The following RAB7B variants were observed in gnomAD, a reference collection of about 807,000 sequenced individuals.
RAB7B encodes the protein ras-related protein Rab-7b.
chr1:205,979,128 G>A (rs913991109), intron 5 of RAB7B, among the ~76,000 whole-genome samples, 200 bp from the exon 6 acceptor site: 82 of 152,228 alleles, frequency 5.4e-4, no homozygotes, highest in Non-Finnish European at 8.8e-4. Flanking sequence ...CCTCTTCCCA[G>A]GAGCCCAGAG....
In RAB7B at chr1:205,985,538, AC is replaced by A. The variant is rs1278519505; in HGVS notation, c.522+1del. The A allele has an allele frequency of 2.5e-6, 1 of 398,546 alleles. No homozygotes were observed. Among genetic ancestry groups the A allele is most frequent in the Non-Finnish European group, 4.4e-6 (1 of 226,160 alleles). The allele number at this position is 398,546 out of a possible 1,614,324, so 24.7% of individuals were successfully genotyped here. ...GCAGGTCCTGCCGCCACAGCCACTC[AC>A]CCTCGACAGAGCCCTACTGGCCAGC... On this transcript the variant is annotated splice_donor_variant, in intron 5 of 5. Coordinates refer to ENST00000617070, the MANE Select transcript of RAB7B (RefSeq NM_001164522.3). LOFTEE classifies it high-confidence loss of function.
chr1:205,983,161 C>T (rs1439537301), intron 5 of RAB7B, among the ~76,000 whole-genome samples: 8 of 152,172 alleles, frequency 5.3e-5, no homozygotes, highest in African/African-American at 1.7e-4. Flanking sequence ...ACTATGTCCC[C>T]GTGCTCTGAC....
chr1:205,980,579 C>T (rs1488259993), intron 5 of RAB7B, among the ~76,000 whole-genome samples: 1 of 152,206 alleles, frequency 6.6e-6, no homozygotes, highest in Non-Finnish European at 1.5e-5. Flanking sequence ...TCTCTGTTCC[C>T]CCAGTCTGGC....
At chr1:205,996,084 ATTCT>A in intron 1 of RAB7B, among the ~76,000 whole-genome samples, 1 of 118,030 alleles carries the variant, frequency 8.5e-6, no homozygotes, top group South Asian at 2.2e-4. Context: ...TTTTTAATAC[ATTCT>A]TTTTTTTTTT....
intron 1 of RAB7B, among the ~76,000 whole-genome samples, chr1:205,996,402 T>C (rs915129349): frequency 6.6e-6 from 1 of 152,262 alleles, no homozygotes; most frequent in African/African-American, 2.4e-5. Flanking sequence ...AAGCTGTAAA[T>C]AGGACATCCT....
rs1173051025 is a variant in RAB7B, at chr1:206,001,261, C to T, written c.-17+1992G>A. Among the ~76,000 whole-genome samples the T allele has an allele frequency of 5.4e-5, 8 of 148,412 alleles. No homozygotes were observed. In the East Asian group the frequency reaches 1.6e-3, roughly 29 times the overall value. On this transcript the variant is annotated intron_variant, in intron 1 of 5. Coordinates refer to ENST00000617070, the MANE Select transcript of RAB7B (RefSeq NM_001164522.3). ...CCCTTTCCATGTCATCTCTGCTGGG[C>T]TTTGGCAGTAGCCGTCTTTTTTTTT... is the stretch of plus-strand genomic sequence containing the variant.
rs1053232193 is a variant in RAB7B, at chr1:205,977,194, G to A, written c.*1657C>T. On this transcript the variant is annotated 3_prime_UTR_variant, in exon 6 of 6. Transcript: ENST00000617070. The stretch of plus-strand genomic sequence containing the variant: ...AAGATTCTGCAGTGGGCATGGACTT[G>A]GCCATTGAAGACCCTGAGAGGACAT... 28 of 152,296 alleles carry A rather than the reference G, an allele frequency of 1.8e-4. No homozygotes were observed. Among genetic ancestry groups the A allele is most frequent in the African/African-American group, 6.5e-4 (27 of 41,552 alleles). 9.4% of individuals were successfully genotyped at this position (152,296 alleles called of 1,614,324 possible).
chr1:205,984,977 C>T (rs1396488650), intron 5 of RAB7B, among the ~76,000 whole-genome samples: 1 of 152,184 alleles, frequency 6.6e-6, no homozygotes, highest in East Asian at 1.9e-4. Flanking sequence ...CCTGCCCCAC[C>T]AGACCACACT....
At chr1:205,993,132 A>C (rs1033847969) in intron 3 of RAB7B, among the ~76,000 whole-genome samples, 86 of 152,300 alleles carry the variant, frequency 5.6e-4, no homozygotes, top group African/African-American at 2.0e-3. Context: ...ACAGATAGTA[A>C]ATATTTTAGG....
Position 205,983,375 on chromosome 1 carries a change from A to C in RAB7B, c.522+2165T>G, listed in dbSNP as rs1017955234. ...TTTCTGACATGTCACTTCTCCCAGC[A>C]GGCATCCTCACTCATCCTCACTACC... On this transcript the variant is annotated intron_variant, in intron 5 of 5. Transcript: ENST00000617070. 1.3e-4 allele frequency among the ~76,000 whole-genome samples: 20 copies of C among 152,220 alleles called. No homozygotes were observed. In the South Asian group the frequency reaches 4.1e-3, roughly 32 times the overall value.
At chr1:206,001,134 G>C (rs1440642750) in intron 1 of RAB7B, among the ~76,000 whole-genome samples, 1 of 152,134 alleles carries the variant, frequency 6.6e-6, no homozygotes, top group Non-Finnish European at 1.5e-5. Flanking sequence ...GAGCAACAAA[G>C]AGTGACTGGG....
At chr1:205,989,003 C>T (rs1660669705) in intron 4 of RAB7B, among the ~76,000 whole-genome samples, 1 of 152,074 alleles carries the variant, frequency 6.6e-6, no homozygotes, top group Non-Finnish European at 1.5e-5. Flanking sequence ...ACACCTCATC[C>T]TCTCCACGTC....
At chr1:205,989,918 G>C (rs1241105351) in intron 4 of RAB7B, among the ~76,000 whole-genome samples, 1 of 152,122 alleles carries the variant, frequency 6.6e-6, no homozygotes, top group African/African-American at 2.4e-5. Flanking sequence ...TCTCCCAAGA[G>C]TAACTGGCAA....
chr1:205,993,054 G>T (rs1660751652), intron 3 of RAB7B, among the ~76,000 whole-genome samples: 1 of 152,144 alleles, frequency 6.6e-6, no homozygotes, highest in African/African-American at 2.4e-5. Flanking sequence ...TAGGCGTGGG[G>T]TCTCTCAACT....
At chr1:205,984,615 G>A (rs1485591470) in intron 5 of RAB7B, among the ~76,000 whole-genome samples, 1 of 152,012 alleles carries the variant, frequency 6.6e-6, no homozygotes, top group Non-Finnish European at 1.5e-5. Flanking sequence ...TTAAAACCAC[G>A]CCACTGCTTC....
intron 1 of RAB7B, among the ~76,000 whole-genome samples, chr1:206,002,994 C>T (rs1471671723): frequency 3.3e-5 from 5 of 152,228 alleles, no homozygotes; most frequent in African/African-American, 1.2e-4. Flanking sequence ...CCAGCAGCTG[C>T]GTCCTGGGAC....
intron 2 of RAB7B, among the ~76,000 whole-genome samples, 195 bp downstream of exon 2, chr1:205,993,888 G>T (rs2102641254): frequency 6.6e-6 from 1 of 152,336 alleles, no homozygotes; most frequent in East Asian, 1.9e-4. Context: ...AGTCACTGCA[G>T]ATCTAGGACT....
At chr1:205,997,100 G>A (rs1660821557) in intron 1 of RAB7B, among the ~76,000 whole-genome samples, 1 of 152,230 alleles carries the variant, frequency 6.6e-6, no homozygotes, top group African/African-American at 2.4e-5. Context: ...TGGTGGCACT[G>A]GAACTTCTGC....
At chr1:205,995,312 A>G (rs1660792258) in intron 1 of RAB7B, among the ~76,000 whole-genome samples, 1 of 152,232 alleles carries the variant, frequency 6.6e-6, no homozygotes, top group African/African-American at 2.4e-5. Context: ...AATACCACCC[A>G]ACACTTAAAT....
Sources: gnomAD v4.1 joint callset for allele counts (sites outside exome capture counted in the v4.1 genomes callset) on GRCh38, gnomAD v4.1.1 for gene constraint, MANE v1.5 for transcripts, NCBI Gene and HGNC (gene_info 2026-07-23, HGNC 2026-07-21) for gene names.